LYPLAL1: variants seen among roughly 807,000 people sequenced by gnomAD.
The protein encoded by LYPLAL1 is lysophospholipase-like protein 1.
In LYPLAL1, 23 loss-of-function variants were observed where a neutral mutation model predicts 19.7. The ratio of observed to expected loss-of-function variants is 1.17; its 90% CI spans 0.84 to 1.65. The LOEUF is 1.65. Ranked by LOEUF, LYPLAL1 falls within the 40% of genes most tolerant of loss-of-function variation. The pLI is 0.00. For missense variants in LYPLAL1, 355 were observed against 279.4 expected, an observed-to-expected ratio of 1.27 and a Z score of -1.93; for synonymous variants, 119 against 96.3, an observed-to-expected ratio of 1.24 and a Z score of -1.38.
chr1:219,184,395 A>G (rs1656553075), intron 2 of LYPLAL1, among the ~76,000 whole-genome samples: 1 of 151,724 alleles, frequency 6.6e-6, no homozygotes, highest in Non-Finnish European at 1.5e-5. Flanking sequence ...TTCTAAATTC[A>G]CTTATTTCTA....
chr1:219,393,574 A>T, the LYPLAL1 span, among the ~76,000 whole-genome samples: 1 of 152,138 alleles, frequency 6.6e-6, no homozygotes. Flanking sequence ...TTGCTTTCTC[A>T]AAAATAAATA....
chr1:219,427,757 A>C, the LYPLAL1 span, among the ~76,000 whole-genome samples: 1 of 152,230 alleles, frequency 6.6e-6, no homozygotes, highest in Non-Finnish European at 1.5e-5. Context: ...AATTTCTGAG[A>C]GTTTTGTTTT....
the LYPLAL1 span, among the ~76,000 whole-genome samples, chr1:219,417,194 A>G: frequency 6.6e-6 from 1 of 152,022 alleles, no homozygotes; most frequent in Non-Finnish European, 1.5e-5. Flanking sequence ...GTCTACATAC[A>G]TTATTTGGAA....
chr1:219,279,532 G>T, the LYPLAL1 span, among the ~76,000 whole-genome samples: 36 of 152,284 alleles, frequency 2.4e-4, no homozygotes, highest in South Asian at 1.5e-3. Context: ...AACACAGAGT[G>T]TAGGATTTTC....
chr1:219,434,486 G>A, the LYPLAL1 span, among the ~76,000 whole-genome samples: 10 of 152,326 alleles, frequency 6.6e-5, no homozygotes, highest in African/African-American at 2.4e-4. Flanking sequence ...GAGCAAGGAA[G>A]CAAAGAGCTC....
the LYPLAL1 span, among the ~76,000 whole-genome samples, chr1:219,251,710 G>A: frequency 6.6e-6 from 1 of 152,000 alleles, no homozygotes; most frequent in African/African-American, 2.4e-5. Flanking sequence ...GTTGCATAAT[G>A]TGATGCCTCC....
At chr1:219,429,879 G>A in the LYPLAL1 span, among the ~76,000 whole-genome samples, 28 of 152,268 alleles carry the variant, frequency 1.8e-4, no homozygotes, top group South Asian at 5.8e-3. Flanking sequence ...GAAGCTTACA[G>A]TTATCTTGCA....
the LYPLAL1 span, among the ~76,000 whole-genome samples, chr1:219,429,618 C>T: frequency 1.3e-5 from 2 of 152,110 alleles, no homozygotes; most frequent in African/African-American, 4.8e-5. Flanking sequence ...GATGGCACCA[C>T]TGCAGTCCAG....
the LYPLAL1 span, among the ~76,000 whole-genome samples, chr1:219,334,928 T>C: frequency 0.31 from 47,077 of 151,720 alleles, 8,689 homozygotes; most frequent in Non-Finnish European, 0.41. Context: ...TTGTATATTT[T>C]ATAGCATGGT....
At chr1:219,403,838 C>G in the LYPLAL1 span, among the ~76,000 whole-genome samples, 9 of 152,170 alleles carry the variant, frequency 5.9e-5, no homozygotes, top group East Asian at 1.3e-3. Context: ...TTCTGCCAAT[C>G]AGGAACTACT....
the LYPLAL1 span, among the ~76,000 whole-genome samples, chr1:219,340,649 A>C: frequency 1.3e-5 from 2 of 152,086 alleles, no homozygotes; most frequent in African/African-American, 4.8e-5. Context: ...AATTCTAAAC[A>C]GATTCTTCCC....
chr1:219,333,676 A>C, the LYPLAL1 span, among the ~76,000 whole-genome samples: 2 of 152,098 alleles, frequency 1.3e-5, no homozygotes, highest in African/African-American at 4.8e-5. Context: ...TACAGAAAGA[A>C]CAAGTTTTAG....
intron 3 of LYPLAL1, among the ~76,000 whole-genome samples, chr1:219,197,918 T>C (rs1281706031): frequency 4.6e-5 from 7 of 152,144 alleles, no homozygotes; most frequent in Admixed American, 1.3e-4. Flanking sequence ...ACCTATATTT[T>C]CTTAGAGGGA....
chr1:219,372,852 C>T, the LYPLAL1 span, among the ~76,000 whole-genome samples: 2 of 151,936 alleles, frequency 1.3e-5, no homozygotes, highest in Admixed American at 6.6e-5. Flanking sequence ...TGCAATGTAC[C>T]GTGATCATGC....
chr1:219,291,892 A>C, the LYPLAL1 span, among the ~76,000 whole-genome samples: 2 of 152,176 alleles, frequency 1.3e-5, no homozygotes, highest in Admixed American at 1.3e-4. Context: ...AAGCAAAAAA[A>C]AAAAAAGAAA....
the LYPLAL1 span, among the ~76,000 whole-genome samples, chr1:219,324,804 G>T: frequency 6.6e-6 from 1 of 152,136 alleles, no homozygotes; most frequent in African/African-American, 2.4e-5. Flanking sequence ...ATTGTGGCAA[G>T]TTATTGCTCT....
the LYPLAL1 span, among the ~76,000 whole-genome samples, chr1:219,349,551 G>A: frequency 6.6e-6 from 1 of 152,076 alleles, no homozygotes; most frequent in African/African-American, 2.4e-5. Context: ...GAGTGTGCGT[G>A]CATGTGATCA....
the LYPLAL1 span, among the ~76,000 whole-genome samples, chr1:219,330,986 T>C: frequency 2.0e-5 from 3 of 152,220 alleles, no homozygotes; most frequent in African/African-American, 7.2e-5. Context: ...ATCTGGCTAG[T>C]ATTCCTGCTG....
the LYPLAL1 span, among the ~76,000 whole-genome samples, chr1:219,376,269 A>G: frequency 6.6e-6 from 1 of 152,178 alleles, no homozygotes; most frequent in Non-Finnish European, 1.5e-5. Context: ...GTGTTTAAAA[A>G]CTATATATCC....
Sources: gnomAD v4.1 joint callset for allele counts (sites outside exome capture counted in the v4.1 genomes callset) on GRCh38, gnomAD v4.1.1 for gene constraint, MANE v1.5 for transcripts, NCBI Gene and HGNC (gene_info 2026-07-23, HGNC 2026-07-21) for gene names.